The following TNRC6C variants were observed in gnomAD, a reference collection of about 807,000 sequenced individuals.
The protein encoded by TNRC6C is trinucleotide repeat containing adaptor 6C.
In TNRC6C, 20 loss-of-function variants were observed where a neutral mutation model predicts 153.7. That is an observed-to-expected ratio of 0.13 (90% confidence interval 0.09 to 0.19). The LOEUF (loss-of-function observed/expected upper bound fraction) is 0.19. Among genes scored for constraint, TNRC6C ranks in the 10% least tolerant of loss-of-function variants. The pLI, the probability that TNRC6C is intolerant of heterozygous loss-of-function variation, is 1.00. For missense variants in TNRC6C, 1,987 were observed against 2,172.0 expected (o/e 0.91, Z 1.69); for synonymous variants, 811 against 841.4 (o/e 0.96, Z 0.63).
intron 1 of TNRC6C, among the ~76,000 whole-genome samples, chr17:78,026,726 G>A (rs888426139): frequency 3.3e-5 from 5 of 152,134 alleles, no homozygotes; most frequent in African/African-American, 1.2e-4. Flanking sequence ...TTTAAACCAG[G>A]GAGGAGATCT....
In TNRC6C at chr17:78,075,506, A is replaced by G. The variant is rs1362249433; in HGVS notation, c.3060+228A>G. The stretch of plus-strand genomic sequence containing the variant: ...AGACTGGGATTGAAAACTGATTTTC[A>G]TATTTATTGTGTGAACTTGGCTGGT... On this transcript the variant is annotated intron_variant, in intron 8 of 19. Coordinates refer to ENST00000301624, the Ensembl canonical transcript of TNRC6C. The surrounding 1 kb of genome is among the most constrained non-coding windows in gnomAD (Gnocchi z 4.2). 24 of 565,794 alleles carry G rather than the reference A, an allele frequency of 4.2e-5. No individual in the cohort carries two copies. The South Asian group carries it at 4.6e-4, about 11-fold the overall frequency. 35.0% of individuals were successfully genotyped at this position (565,794 alleles called of 1,614,324 possible). A position where few individuals can be genotyped will look rare whatever the true frequency, so the allele number is the denominator to read the frequency against.
Position 78,049,968 on chromosome 17 carries a change from T to G in TNRC6C, c.906T>G (p.Pro302=), listed in dbSNP as rs771747268. 6.2e-7 allele frequency: 1 copy of G among 1,614,018 alleles called. No homozygotes were observed. Among genetic ancestry groups the G allele is most frequent in the Non-Finnish European group, 8.5e-7 (1 of 1,179,884 alleles). Residue 302 remains proline (P), a synonymous_variant, in exon 3 of 20, where the codon CCT becomes CCG. Coordinates refer to ENST00000301624, the Ensembl canonical transcript of TNRC6C. This position sits in a 1 kb window ranked among gnomAD's most constrained non-coding sequence, Gnocchi z 4.1. The stretch of plus-strand genomic sequence containing the variant: ...GAGGAAATGCTTGGGATTCAGGACC[T>G]CCTGCTGGTCCTGGAATACTCGCCT...
intron 5 of TNRC6C, among the ~76,000 whole-genome samples, chr17:78,070,879 C>A (rs951462698): frequency 1.3e-5 from 2 of 152,022 alleles, no homozygotes; most frequent in African/African-American, 4.8e-5. Context: ...ACATATATAC[C>A]AACCTGCAAA....
intron 3 of TNRC6C, among the ~76,000 whole-genome samples, chr17:78,056,659 G>C (rs1393395886): frequency 1.1e-4 from 17 of 151,738 alleles, no homozygotes; most frequent in East Asian, 3.9e-4. Flanking sequence ...TAGAGACGGG[G>C]TTTCATCATG....
chr17:78,052,516 G>A (rs183379136), intron 3 of TNRC6C, among the ~76,000 whole-genome samples: 10 of 152,336 alleles, frequency 6.6e-5, no homozygotes, highest in Non-Finnish European at 8.8e-5. Flanking sequence ...GTAGTGTTGG[G>A]CAGTGATGGT....
chr17:78,076,637 T>C (rs574101173), intron 8 of TNRC6C, among the ~76,000 whole-genome samples: 1 of 152,336 alleles, frequency 6.6e-6, no homozygotes, highest in Admixed American at 6.5e-5. Flanking sequence ...ACAGGCTGGT[T>C]GTGATGTTAG....
chr17:78,086,358 A>C (rs1048831269), intron 11 of TNRC6C, 145 bp from the exon 14 acceptor site: 4 of 410,460 alleles, frequency 9.7e-6, no homozygotes, highest in African/African-American at 2.2e-5. Flanking sequence ...AAAAAAAAAA[A>C]AACAGTATGT....
chr17:77,968,816 A>G (rs2070918806), intron 1 of TNRC6C, among the ~76,000 whole-genome samples: 1 of 152,178 alleles, frequency 6.6e-6, no homozygotes, highest in African/African-American at 2.4e-5. Context: ...CTTTAGGAAC[A>G]CTCACAAAAG....
intron 1 of TNRC6C, among the ~76,000 whole-genome samples, chr17:77,977,459 C>T (rs1258747551): frequency 3.9e-5 from 6 of 152,040 alleles, no homozygotes; most frequent in Admixed American, 3.3e-4. Context: ...TCCTTGTCTC[C>T]GAAGTGGTAG....
At position 78,097,728 on chromosome 17, in the gene TNRC6C, C is replaced by T. The variant is rs536831012; in HGVS notation, c.4307-615C>T. ...ACACCGCCACCACCTTGCTCAGTGC[C>T]GTGTTTGGTTCTGCAGGGTCCTCCC... On this transcript the variant is annotated intron_variant, in intron 16 of 19. Transcript: ENST00000301624. 5.4e-5 allele frequency: 82 copies of T among 1,530,730 alleles called. No individual in the cohort carries two copies. In the Admixed American group the frequency reaches 5.7e-4, roughly 11 times the overall value. The allele number at this position is 1,530,730 out of a possible 1,614,324, so 94.8% of individuals were successfully genotyped here.
intron 3 of TNRC6C, 38 bp from the exon 6 acceptor site, chr17:78,064,684 C>T (rs766861264): frequency 5.6e-6 from 9 of 1,597,150 alleles, no homozygotes; most frequent in South Asian, 1.1e-5. Flanking sequence ...CTCTGATGCA[C>T]TTTCATTATT....
upstream of TNRC6C, among the ~76,000 whole-genome samples, chr17:77,999,748 C>T (rs8081039): frequency 0.048 from 7,247 of 152,250 alleles, 230 homozygotes; most frequent in Middle Eastern, 0.092. Flanking sequence ...TGCTGGGTAG[C>T]GATTGGTATC....
chr17:78,093,311 AT>A, intron 15 of TNRC6C, 187 bp downstream of exon 17: 1 of 738,878 alleles, frequency 1.4e-6, no homozygotes, highest in Non-Finnish European at 2.2e-6. Context: ...AGCATCAGGC[AT>A]TTTTCTGTAA....
At chr17:78,035,279 A>C (rs997325145) in intron 2 of TNRC6C, among the ~76,000 whole-genome samples, 2 of 152,208 alleles carry the variant, frequency 1.3e-5, no homozygotes, top group African/African-American at 4.8e-5. Context: ...TGGTCAAGAG[A>C]CAGGCCCAAT....
At chr17:78,086,760 A>G in intron 12 of TNRC6C, 93 bp from the exon 15 acceptor site, 8 of 1,576,430 alleles carry the variant, frequency 5.1e-6, no homozygotes, top group Non-Finnish European at 6.9e-6. Context: ...TAGTGGCCTC[A>G]GCATAAAGAC....
chr17:78,024,846 G>A (rs1166847530), intron 1 of TNRC6C, among the ~76,000 whole-genome samples: 1 of 151,544 alleles, frequency 6.6e-6, no homozygotes, highest in African/African-American at 2.4e-5. Context: ...CCAGGCTGGA[G>A]TGCAATGGTG....
chr17:78,017,444 C>G lies in TNRC6C; in HGVS notation c.-546+12365C>G, dbSNP rs115558050. Among the ~76,000 whole-genome samples, 1,362 of 152,296 alleles carry G rather than the reference C, an allele frequency of 8.9e-3. 21 individuals carry two copies. Among genetic ancestry groups the G allele is most frequent in the African/African-American group, 0.03 (1,267 of 41,550 alleles). On this transcript the variant is annotated intron_variant, in intron 1 of 19. Transcript: ENST00000301624. Reference sequence around the variant, plus strand: ...CAAGGAGGGCACCGCTGCCTCCTCTCCCAACCACATGGCTCTAGAGTCTGC... The same window carrying G: ...CAAGGAGGGCACCGCTGCCTCCTCTGCCAACCACATGGCTCTAGAGTCTGC...
intron 18 of TNRC6C, among the ~76,000 whole-genome samples, chr17:78,103,202 T>C (rs2073628624): frequency 6.6e-6 from 1 of 152,208 alleles, no homozygotes; most frequent in East Asian, 1.9e-4. Context: ...GCCTAACTTA[T>C]AAAATGTAAC....
chr17:78,057,011 C>T (rs1007790489), intron 3 of TNRC6C, among the ~76,000 whole-genome samples: 2 of 152,100 alleles, frequency 1.3e-5, no homozygotes, highest in East Asian at 1.9e-4. Flanking sequence ...CCTGTGCATG[C>T]GTGTGCTCTT....
Sources: gnomAD v4.1 joint callset for allele counts (sites outside exome capture counted in the v4.1 genomes callset) on GRCh38, gnomAD v4.1.1 for gene constraint, Gnocchi (gnomAD v3.1) non-coding constraint, MANE v1.5 for transcripts, NCBI Gene and HGNC (gene_info 2026-07-23, HGNC 2026-07-21) for gene names.